CNTN5: variants seen among roughly 807,000 people sequenced by gnomAD.
The protein encoded by CNTN5 is contactin 5.
A neutral mutation model predicts 129.1 loss-of-function variants in CNTN5; 77 were observed. That is an observed-to-expected ratio of 0.60 (90% CI 0.50 to 0.72). The LOEUF is 0.72. Among genes scored for constraint, CNTN5 ranks in the 30% least tolerant of loss-of-function variants. The pLI, the probability that CNTN5 is intolerant of heterozygous loss-of-function variation, is 0.00. For synonymous variants in CNTN5, 509 were observed against 465.6 expected, an observed-to-expected ratio of 1.09 and a Z score of -1.20; for missense variants, 1,478 against 1,328.8, an observed-to-expected ratio of 1.11 and a Z score of -1.75.
chr11:100,003,601 A>G (rs1413242598), intron 9 of CNTN5, among the ~76,000 whole-genome samples: 1 of 152,136 alleles, frequency 6.6e-6, no homozygotes, highest in Non-Finnish European at 1.5e-5. Flanking sequence ...ACCAATATAA[A>G]TATTTCCCCA....
At position 99,425,343 on chromosome 11, in the gene CNTN5, C is replaced by T. The variant is rs534063264; in HGVS notation, c.-71+99859C>T. Among the ~76,000 whole-genome samples the T allele has an allele frequency of 3.9e-4, 59 of 152,302 alleles. 1 individual carries two copies. Among genetic ancestry groups the T allele is most frequent in the South Asian group, 1.7e-3 (8 of 4,826 alleles). Reference sequence around the variant, plus strand: ...TTGGAGGTAGGGTTTCACTGAGGACCCTCCGCTTTCCTTCCAGGAACCTGT... The same window carrying T: ...TTGGAGGTAGGGTTTCACTGAGGACTCTCCGCTTTCCTTCCAGGAACCTGT... On this transcript the variant is annotated intron_variant, in intron 2 of 24. Transcript: ENST00000524871.
chr11:99,891,252 T>G (rs1949050577), intron 6 of CNTN5, among the ~76,000 whole-genome samples: 1 of 152,174 alleles, frequency 6.6e-6, no homozygotes, highest in Non-Finnish European at 1.5e-5. Context: ...CTTTACTAGC[T>G]TCTCAATTTC....
At chr11:99,933,501 A>C (rs1056476247) in intron 7 of CNTN5, among the ~76,000 whole-genome samples, 1 of 151,998 alleles carries the variant, frequency 6.6e-6, no homozygotes, top group Non-Finnish European at 1.5e-5. Context: ...CTTTCCAATC[A>C]ATTTTTCCCC....
chr11:99,293,153 T>A (rs1045055945), intron 1 of CNTN5, among the ~76,000 whole-genome samples: 1 of 152,146 alleles, frequency 6.6e-6, no homozygotes, highest in Non-Finnish European at 1.5e-5. Context: ...TGAATGTTAT[T>A]GAATGCCTTT....
Position 100,311,114 on chromosome 11 carries a change from G to C in CNTN5, c.2730+2646G>C, listed in dbSNP as rs554770695. Among the ~76,000 whole-genome samples, 3 of 152,068 alleles carry C rather than the reference G, an allele frequency of 2.0e-5. No homozygotes were observed. The East Asian group carries it at 5.8e-4, about 30-fold the overall frequency. ...GGAGGGCCTCAGACAGAAGAGCAGAGGGGCAGCTGTTCCAACCTCAGTGAC... is the reference window on the plus strand; with the variant it reads ...GGAGGGCCTCAGACAGAAGAGCAGACGGGCAGCTGTTCCAACCTCAGTGAC... On this transcript the variant is annotated intron_variant, in intron 21 of 24. Transcript: ENST00000524871.
chr11:99,991,392 G>A (rs1189525011), intron 8 of CNTN5, among the ~76,000 whole-genome samples: 3 of 152,080 alleles, frequency 2.0e-5, no homozygotes, highest in Non-Finnish European at 2.9e-5. Context: ...GCCTGAACCC[G>A]GGAGGCAGAG....
intron 6 of CNTN5, among the ~76,000 whole-genome samples, chr11:99,860,453 T>A (rs981705170): frequency 2.0e-5 from 3 of 152,158 alleles, no homozygotes; most frequent in Admixed American, 2.0e-4. Context: ...TACATTTAAG[T>A]CTTTAATCTT....
chr11:99,153,170 T>C (rs1359067329), intron 1 of CNTN5, among the ~76,000 whole-genome samples: 3 of 152,226 alleles, frequency 2.0e-5, no homozygotes, highest in Non-Finnish European at 4.4e-5. Flanking sequence ...CTGCATTTCC[T>C]GAGTTTGAAT....
In CNTN5 at chr11:99,643,456, T is replaced by G. The variant is rs374591976; in HGVS notation, c.55+87187T>G. On this transcript the variant is annotated intron_variant, in intron 3 of 24. Coordinates refer to ENST00000524871, the MANE Select transcript of CNTN5 (RefSeq NM_014361.4). ...TGTATTATTCTGGAAACTCTTCTACTACTTGGTATTTCAATTTTTATATCT... is the reference window on the plus strand; with the variant it reads ...TGTATTATTCTGGAAACTCTTCTACGACTTGGTATTTCAATTTTTATATCT... Among the ~76,000 whole-genome samples, 8 of 152,170 alleles carry G rather than the reference T, an allele frequency of 5.3e-5. No homozygotes were observed. In the East Asian group the frequency reaches 1.2e-3, roughly 22 times the overall value.
At chr11:99,922,747 G>C (rs192995876) in intron 7 of CNTN5, among the ~76,000 whole-genome samples, 1 of 152,154 alleles carries the variant, frequency 6.6e-6, no homozygotes, top group Non-Finnish European at 1.5e-5. Flanking sequence ...TGTTCTTTCA[G>C]TATATGAAGC....
intron 3 of CNTN5, among the ~76,000 whole-genome samples, chr11:99,606,327 TG>T (rs1447699776): frequency 7.6e-6 from 1 of 132,132 alleles, no homozygotes; most frequent in African/African-American, 2.9e-5. Flanking sequence ...AGCCAAATCA[TG>T]GGTGAACTCC....
chr11:99,847,196 T>A (rs1045769541), intron 6 of CNTN5, among the ~76,000 whole-genome samples: 3 of 152,240 alleles, frequency 2.0e-5, no homozygotes, highest in Admixed American at 6.5e-5. Context: ...AAGCAAATCA[T>A]GCCAACTTTT....
At chr11:99,258,091 T>C (rs188441692) in intron 1 of CNTN5, among the ~76,000 whole-genome samples, 9 of 152,176 alleles carry the variant, frequency 5.9e-5, no homozygotes. Context: ...CACATCCATG[T>C]GAATGCAATC....
At chr11:99,717,945 C>G (rs1045921417) in intron 3 of CNTN5, among the ~76,000 whole-genome samples, 1 of 152,014 alleles carries the variant, frequency 6.6e-6, no homozygotes, top group African/African-American at 2.4e-5. Context: ...ACTTAGCACC[C>G]CCCTAAAACC....
intron 4 of CNTN5, among the ~76,000 whole-genome samples, chr11:99,834,204 G>A (rs1947232392): frequency 6.6e-6 from 1 of 152,042 alleles, no homozygotes; most frequent in South Asian, 2.1e-4. Context: ...CCTAACACTG[G>A]TGCCTCTCAT....
intron 23 of CNTN5, among the ~76,000 whole-genome samples, chr11:100,342,579 T>G (rs1952190200): frequency 1.3e-5 from 2 of 152,136 alleles, no homozygotes; most frequent in Admixed American, 1.3e-4. Context: ...GATCCCAGGC[T>G]AGGTGCCACT....
chr11:99,544,190 A>T (rs1466325280), intron 2 of CNTN5, among the ~76,000 whole-genome samples: 1 of 152,126 alleles, frequency 6.6e-6, no homozygotes, highest in Non-Finnish European at 1.5e-5. Flanking sequence ...GGATCTTGTG[A>T]GAACTCGCTC....
chr11:99,564,454 A>C (rs1275899762), intron 3 of CNTN5, among the ~76,000 whole-genome samples: 2 of 152,182 alleles, frequency 1.3e-5, no homozygotes, highest in Non-Finnish European at 2.9e-5. Context: ...TTTCAAATAC[A>C]GTAGCAGTGA....
chr11:99,822,014 T>C (rs1946816775), intron 4 of CNTN5, among the ~76,000 whole-genome samples: 1 of 152,206 alleles, frequency 6.6e-6, no homozygotes, highest in African/African-American at 2.4e-5. Flanking sequence ...CTTTGAGTTC[T>C]TTTTCTCTGA....
Sources: gnomAD v4.1 joint callset for allele counts (sites outside exome capture counted in the v4.1 genomes callset) on GRCh38, gnomAD v4.1.1 for gene constraint, MANE v1.5 for transcripts, NCBI Gene and HGNC (gene_info 2026-07-23, HGNC 2026-07-21) for gene names.